The following WDFY2 variants were observed in gnomAD, a reference collection of about 807,000 sequenced individuals.
The protein encoded by WDFY2 is WD repeat and FYVE domain-containing protein 2.
Under a neutral mutation model 56.4 loss-of-function variants are expected in WDFY2, and 36 were observed. That is an observed-to-expected ratio of 0.64 (90% CI 0.49 to 0.84). The LOEUF is 0.84. Among genes scored for constraint, WDFY2 ranks in the 40% least tolerant of loss-of-function variants. WDFY2 has a pLI of 0.00. For synonymous variants in WDFY2, 176 were observed against 183.7 expected (o/e 0.96, Z 0.34); for missense variants, 444 against 512.2 (o/e 0.87, Z 1.29).
At chr13:51,624,803 T>C (rs947337919) in intron 1 of WDFY2, among the ~76,000 whole-genome samples, 1 of 152,202 alleles carries the variant, frequency 6.6e-6, no homozygotes, top group African/African-American at 2.4e-5. Flanking sequence ...TCTGGGGCTA[T>C]TTGGACATGA....
intron 1 of WDFY2, chr13:51,594,238 T>C (rs1230642569): frequency 2.0e-5 from 3 of 152,090 alleles, no homozygotes; most frequent in Non-Finnish European, 2.9e-5. Context: ...TTGAAATTTC[T>C]TCCATCACTC....
chr13:51,693,744 C>T (rs1455927845), intron 3 of WDFY2, among the ~76,000 whole-genome samples: 1 of 151,926 alleles, frequency 6.6e-6, no homozygotes, highest in Non-Finnish European at 1.5e-5. Context: ...TCCTTGTTAA[C>T]TTTCTGTCTC....
Position 51,719,354 on chromosome 13 carries a change from C to T in WDFY2, c.485+6C>T, listed in dbSNP as rs1952437647. The T allele has an allele frequency of 1.9e-6, 3 of 1,546,978 alleles. 1 individual carries two copies. The South Asian group carries it at 3.7e-5, about 19-fold the overall frequency. On this transcript the variant is annotated splice_donor_region_variant and intron_variant, in intron 5 of 11. Coordinates refer to ENST00000298125, the MANE Select transcript of WDFY2 (RefSeq NM_052950.4). ...GCTGTGGCCTCAGGCCTGCAGTATC[C>T]TTTGCTGGACAAAAATCTCTTAGTG...
intron 3 of WDFY2, among the ~76,000 whole-genome samples, chr13:51,696,406 TTAAGA>T (rs1275099139): frequency 3.9e-5 from 6 of 152,238 alleles, no homozygotes; most frequent in Non-Finnish European, 7.3e-5. Flanking sequence ...ACATTTTTCT[TTAAGA>T]AAAGAATTTA....
chr13:51,751,678 G>C (rs533361677), intron 8 of WDFY2, among the ~76,000 whole-genome samples: 6 of 152,214 alleles, frequency 3.9e-5, no homozygotes, highest in Admixed American at 2.6e-4. Context: ...AAGTACAGGT[G>C]AGGAAAAGAA....
At position 51,761,025 on chromosome 13, in the gene WDFY2, A is replaced by G. The variant is rs1657105190; in HGVS notation, c.*1256A>G. ...ATCATCTCTGAACTTGAACATGTTC[A>G]TTACGGCAAGATTGTAATCCTGCTG... On this transcript the variant is annotated 3_prime_UTR_variant, in exon 12 of 12. Coordinates refer to ENST00000298125, the MANE Select transcript of WDFY2 (RefSeq NM_052950.4). The G allele has an allele frequency of 6.6e-6, 1 of 152,272 alleles. No homozygotes were observed. Among genetic ancestry groups the G allele is most frequent in the Non-Finnish European group, 1.5e-5 (1 of 68,060 alleles). 9.4% of individuals were successfully genotyped at this position (152,272 alleles called of 1,614,324 possible). A position where few individuals can be genotyped will look rare whatever the true frequency, so the allele number is the denominator to read the frequency against.
In WDFY2 at chr13:51,763,465, C is replaced by G. The variant is rs1438023251; in HGVS notation, c.*3696C>G. 6.6e-6 allele frequency: 1 copy of G among 152,214 alleles called. No individual in the cohort carries two copies. The highest frequency in any genetic ancestry group is 6.5e-5 in the Admixed American group (1 of 15,274). 9.4% of individuals were successfully genotyped at this position (152,214 alleles called of 1,614,324 possible). A position where few individuals can be genotyped will look rare whatever the true frequency, so the allele number is the denominator to read the frequency against. ...GCGATTCCCAGGCTTACAGCACTGC[C>G]CTTATGGAATATCACATTTTCATTT... On this transcript the variant is annotated 3_prime_UTR_variant, in exon 12 of 12. Coordinates refer to ENST00000298125, the MANE Select transcript of WDFY2 (RefSeq NM_052950.4).
chr13:51,710,817 T>C (rs1593438814), intron 4 of WDFY2, among the ~76,000 whole-genome samples: 1 of 152,198 alleles, frequency 6.6e-6, no homozygotes, highest in East Asian at 1.9e-4. Flanking sequence ...AAACATTCCA[T>C]GCTCATGGGT....
rs79213580 is a variant in WDFY2 at position 51,620,684 on chromosome 13, T to C, written c.137+35860T>C. Among the ~76,000 whole-genome samples the C allele has an allele frequency of 5.1e-3, 769 of 152,218 alleles. 4 individuals are homozygous for C. The highest frequency in any genetic ancestry group is 0.017 in the African/African-American group (686 of 41,532). ...CAGAGGAAGGATACACTCTAGCCATTGTTCTCTCTGACTTTGCTGTAGCAC... is the reference window on the plus strand; with the variant it reads ...CAGAGGAAGGATACACTCTAGCCATCGTTCTCTCTGACTTTGCTGTAGCAC... On this transcript the variant is annotated intron_variant, in intron 1 of 11. Coordinates refer to ENST00000298125, the MANE Select transcript of WDFY2 (RefSeq NM_052950.4).
At chr13:51,758,579 A>G (rs1357534219) in intron 11 of WDFY2, among the ~76,000 whole-genome samples, 1 of 150,722 alleles carries the variant, frequency 6.6e-6, no homozygotes, top group African/African-American at 2.4e-5. Context: ...AAAAGTTACC[A>G]TTGAAGGTGA....
At chr13:51,598,867 A>T (rs1954209506) in intron 1 of WDFY2, 1 of 151,306 alleles carries the variant, frequency 6.6e-6, no homozygotes, top group Non-Finnish European at 1.5e-5. Context: ...ATTGATTTGG[A>T]GAAGTCACAG....
intron 2 of WDFY2, among the ~76,000 whole-genome samples, chr13:51,672,452 T>G (rs1391859571): frequency 6.6e-6 from 1 of 152,206 alleles, no homozygotes. Flanking sequence ...GACTATGGCC[T>G]TATATATAGT....
At position 51,746,549 on chromosome 13, in the gene WDFY2, T is replaced by A. The variant is rs576033913; in HGVS notation, c.726-4761T>A. Among the ~76,000 whole-genome samples, 115 of 152,338 alleles carry A rather than the reference T, an allele frequency of 7.5e-4. 5 individuals are homozygous for A. The South Asian group carries it at 0.024, about 32-fold the overall frequency. On this transcript the variant is annotated intron_variant, in intron 7 of 11. Transcript: ENST00000298125. ...ACACATGACACTCCAGGTTATAAAG[T>A]TGATTTGCCCAGTTATATCTTGCGG...
intron 3 of WDFY2, among the ~76,000 whole-genome samples, chr13:51,680,035 C>A (rs1955952028): frequency 6.6e-6 from 1 of 152,196 alleles, no homozygotes; most frequent in South Asian, 2.1e-4. Context: ...AGTAATCTTC[C>A]CACCTCAGCC....
chr13:51,723,777 G>GTCCTCCATACCAGCCAT (rs1429756198), intron 5 of WDFY2, among the ~76,000 whole-genome samples: 1 of 152,148 alleles, frequency 6.6e-6, no homozygotes, highest in Non-Finnish European at 1.5e-5. Context: ...CTGCAGCGCC[G>GTCCTCCATACCAGCCAT]TCCTCCATAC....
At chr13:51,658,965 C>T (rs554112019) in intron 1 of WDFY2, among the ~76,000 whole-genome samples, 1 of 152,088 alleles carries the variant, frequency 6.6e-6, no homozygotes, top group South Asian at 2.1e-4. Flanking sequence ...CTTGCTCTGT[C>T]GCCCAGGCAG....
Position 51,755,470 on chromosome 13 carries a change from T to C in WDFY2, c.933+11T>C, listed in dbSNP as rs755268045. On this transcript the variant is annotated intron_variant, in intron 9 of 11. Coordinates refer to ENST00000298125, the MANE Select transcript of WDFY2 (RefSeq NM_052950.4). ...ATTGGTCTAAGACAGGTGAGTGATA[T>C]GGATGCTTCATCAAAATGTAATTAT... 27 of 1,609,200 alleles carry C rather than the reference T, an allele frequency of 1.7e-5. No homozygotes were observed. The highest frequency in any genetic ancestry group is 2.2e-5 in the East Asian group (1 of 44,870).
intron 6 of WDFY2, among the ~76,000 whole-genome samples, chr13:51,730,156 C>T (rs1006207288): frequency 2.0e-5 from 3 of 152,208 alleles, no homozygotes; most frequent in African/African-American, 7.2e-5. Flanking sequence ...AGCAAACAAT[C>T]GTGTTTCTTA....
chr13:51,657,114 C>T (rs1459715728), intron 1 of WDFY2, among the ~76,000 whole-genome samples: 6 of 151,850 alleles, frequency 4.0e-5, no homozygotes. Context: ...TTTTGATTCC[C>T]TTATTTTTCT....
Sources: gnomAD v4.1 joint callset for allele counts (sites outside exome capture counted in the v4.1 genomes callset) on GRCh38, gnomAD v4.1.1 for gene constraint, MANE v1.5 for transcripts, NCBI Gene and HGNC (gene_info 2026-07-23, HGNC 2026-07-21) for gene names.